The following LAMB1 variants were observed in gnomAD, a reference collection of about 807,000 sequenced individuals.
LAMB1 encodes the protein laminin subunit beta 1.
Under a neutral mutation model 222.3 loss-of-function variants are expected in LAMB1, and 121 were observed. That is an observed-to-expected ratio of 0.54 (90% CI 0.47 to 0.63). The LOEUF (loss-of-function observed/expected upper bound fraction) is 0.63, where lower values mean the gene tolerates loss of function less well. LAMB1 is among the 30% of genes least tolerant of loss of function. The pLI, the probability that LAMB1 is intolerant of heterozygous loss-of-function variation, is 0.00. For synonymous variants in LAMB1, 794 were observed against 807.2 expected (o/e 0.98, Z 0.28); for missense variants, 2,172 against 2,240.8 (o/e 0.97, Z 0.62).
intron 27 of LAMB1, chr7:107,932,646 G>T (rs2116328689): frequency 4.1e-6 from 2 of 490,374 alleles, no homozygotes; most frequent in Middle Eastern, 5.5e-4. Flanking sequence ...CTCTGCCCAG[G>T]ATGCAAACAT....
At chr7:107,968,671 C>T (rs1010431927) in intron 13 of LAMB1, among the ~76,000 whole-genome samples, 1 of 152,102 alleles carries the variant, frequency 6.6e-6, no homozygotes, top group Non-Finnish European at 1.5e-5. Context: ...GGAATGTGGG[C>T]AGCTCTAGAG....
chr7:107,999,013 G>T (rs1018318429), intron 3 of LAMB1, among the ~76,000 whole-genome samples: 10 of 152,212 alleles, frequency 6.6e-5, no homozygotes, highest in African/African-American at 2.4e-4. Context: ...CACCCTGCCC[G>T]AGCAGTGAAT....
At chr7:107,946,736 A>ATGGAAATATTAAGG (rs1369787743) in intron 24 of LAMB1, among the ~76,000 whole-genome samples, 1 of 152,252 alleles carries the variant, frequency 6.6e-6, no homozygotes, top group African/African-American at 2.4e-5. Context: ...CTGAGTCACA[A>ATGGAAATATTAAGG]TGGAAATATT....
chr7:107,944,150 A>C (rs2033059814), intron 24 of LAMB1, among the ~76,000 whole-genome samples: 1 of 152,218 alleles, frequency 6.6e-6, no homozygotes, highest in African/African-American at 2.4e-5. Context: ...GTTCAGTCCT[A>C]AACATTAGGT....
intron 25 of LAMB1, among the ~76,000 whole-genome samples, chr7:107,938,806 G>A (rs1318223112): frequency 6.6e-6 from 1 of 152,140 alleles, no homozygotes; most frequent in Non-Finnish European, 1.5e-5. Flanking sequence ...TACATCAGAC[G>A]TTTCCTAACA....
At position 107,975,889 on chromosome 7, in the gene LAMB1, G is replaced by A. The variant is rs776797708; in HGVS notation, c.1001-12C>T. Reference sequence around the variant, plus strand: ...ATTGCAGTTACATTCTGCGTGACAAGAGCAACGTCAAGAAAAGCTTTTTAA... The same window carrying A: ...ATTGCAGTTACATTCTGCGTGACAAAAGCAACGTCAAGAAAAGCTTTTTAA... On this transcript the variant is annotated splice_polypyrimidine_tract_variant and intron_variant, in intron 9 of 33. Transcript: ENST00000222399. 1 of 1,610,900 alleles carries A rather than the reference G, an allele frequency of 6.2e-7. No homozygotes were observed. Among genetic ancestry groups the A allele is most frequent in the Non-Finnish European group, 8.5e-7 (1 of 1,178,180 alleles).
chr7:107,999,858 A>G (rs1371582581), intron 3 of LAMB1: 1 of 151,724 alleles, frequency 6.6e-6, no homozygotes, highest in Non-Finnish European at 1.5e-5. Context: ...AGCAATACCA[A>G]GAGCCAGCTT....
At chr7:107,964,377 G>T (rs1751125018) in intron 14 of LAMB1, among the ~76,000 whole-genome samples, 175 bp downstream of exon 14, 1 of 152,194 alleles carries the variant, frequency 6.6e-6, no homozygotes, top group Non-Finnish European at 1.5e-5. Flanking sequence ...GTGAGTTATA[G>T]AATTACTTAG....
At chr7:107,932,890 G>A (rs1336261021) in intron 27 of LAMB1, among the ~76,000 whole-genome samples, 1 of 152,144 alleles carries the variant, frequency 6.6e-6, no homozygotes. Context: ...CCAAGAATAG[G>A]TCAGATGCAG....
At position 108,002,843 on chromosome 7, in the gene LAMB1, A is replaced by T; in HGVS notation, c.37+6T>A. ...CCGCCTCCCCGCACCGTTTCCACGG[A>T]ATTACCTAAGAAACTGAAAGCTAGC... On this transcript the variant is annotated splice_donor_region_variant and intron_variant, in intron 2 of 33. Coordinates refer to ENST00000222399, the MANE Select transcript of LAMB1 (RefSeq NM_002291.3). 6.2e-7 allele frequency: 1 copy of T among 1,614,096 alleles called. No individual in the cohort carries two copies. Among genetic ancestry groups the T allele is most frequent in the Non-Finnish European group, 8.5e-7 (1 of 1,180,002 alleles).
chr7:107,968,062 T>G (rs527905258), intron 13 of LAMB1, among the ~76,000 whole-genome samples: 1 of 152,198 alleles, frequency 6.6e-6, no homozygotes, highest in South Asian at 2.1e-4. Flanking sequence ...AGACCAGATC[T>G]CGACCTTGCT....
rs139143138 is a variant in LAMB1, at chr7:107,991,238, A to G, written c.423+3649T>C. On this transcript the variant is annotated intron_variant, in intron 5 of 33. Transcript: ENST00000222399. ...TTTTTGCAACAGAATTATTGCAATC[A>G]CCTCATAGTGGCAAATTTTGGCAAG... 2.3e-3 allele frequency among the ~76,000 whole-genome samples: 357 copies of G among 152,282 alleles called. 1 individual carries two copies. Among genetic ancestry groups the G allele is most frequent in the Non-Finnish European group, 3.7e-3 (252 of 68,020 alleles).
At position 107,939,283 on chromosome 7, in the gene LAMB1, G is replaced by C. The variant is rs561226591; in HGVS notation, c.3761+706C>G. ...GAAAGGGTAGATAAATGATCCTTGA[G>C]AAGGTCAATTCTCTAGGCTTCCACT... On this transcript the variant is annotated intron_variant, in intron 25 of 33. Transcript: ENST00000222399. 2.6e-5 allele frequency among the ~76,000 whole-genome samples: 4 copies of C among 152,154 alleles called. No homozygotes were observed. The East Asian group carries it at 7.9e-4, about 30-fold the overall frequency.
chr7:107,970,149 C>A (rs946615734), intron 13 of LAMB1, among the ~76,000 whole-genome samples: 21 of 152,026 alleles, frequency 1.4e-4, no homozygotes, highest in African/African-American at 5.1e-4. Flanking sequence ...GATGCAGAAG[C>A]AATGCATCAA....
Position 107,929,226 on chromosome 7 carries a change from C to A in LAMB1, c.4746-21G>T, listed in dbSNP as rs762836422. On this transcript the variant is annotated intron_variant, in intron 30 of 33. Transcript: ENST00000222399. ...TTTTGCTGAGTAAAAAATAATGAGACAGTATATTGTTGCTGAACATGAAAA... is the reference window on the plus strand; with the variant it reads ...TTTTGCTGAGTAAAAAATAATGAGAAAGTATATTGTTGCTGAACATGAAAA... 1.9e-6 allele frequency: 3 copies of A among 1,613,328 alleles called. No individual in the cohort carries two copies. In the East Asian group the frequency reaches 6.7e-5, roughly 36 times the overall value.
At chr7:107,981,857 C>T (rs2033979939) in intron 7 of LAMB1, among the ~76,000 whole-genome samples, 1 of 152,146 alleles carries the variant, frequency 6.6e-6, no homozygotes, top group South Asian at 2.1e-4. Flanking sequence ...AAATGACATC[C>T]AAGTTACCAA....
intron 5 of LAMB1, among the ~76,000 whole-genome samples, chr7:107,990,306 T>G (rs1027402992): frequency 3.9e-5 from 6 of 152,024 alleles, no homozygotes; most frequent in Non-Finnish European, 8.8e-5. Context: ...CCCCCAAGTG[T>G]TGGGATTACA....
rs544397204 is a variant in LAMB1, at chr7:107,931,238, C to T, written c.4537+118G>A. The T allele has an allele frequency of 4.8e-4, 394 of 822,480 alleles. 3 individuals carry two copies. The highest frequency in any genetic ancestry group is 2.5e-3 in the Admixed American group (97 of 38,706). The allele number at this position is 822,480 out of a possible 1,614,324, so 50.9% of individuals were successfully genotyped here. ...GAAGTGGAAACATTTAATATACGGA[C>T]GTTTTTCTTATTTGGAAATGTCACT... On this transcript the variant is annotated intron_variant, in intron 29 of 33. Coordinates refer to ENST00000222399, the MANE Select transcript of LAMB1 (RefSeq NM_002291.3).
intron 17 of LAMB1, 130 bp downstream of exon 17, chr7:107,961,076 C>A: frequency 1.0e-6 from 1 of 992,840 alleles, no homozygotes. Flanking sequence ...GCAAAGTAAC[C>A]GTGGAGGCAA....
Sources: gnomAD v4.1 joint callset for allele counts (sites outside exome capture counted in the v4.1 genomes callset) on GRCh38, gnomAD v4.1.1 for gene constraint, MANE v1.5 for transcripts, NCBI Gene and HGNC (gene_info 2026-07-23, HGNC 2026-07-21) for gene names.